The following NCKAP5 variants were observed in gnomAD, a reference collection of about 807,000 sequenced individuals.
The protein encoded by NCKAP5 is nck-associated protein 5.
A neutral mutation model predicts 167.0 loss-of-function variants in NCKAP5; 92 were observed. The ratio of observed to expected loss-of-function variants is 0.55; its 90% confidence interval spans 0.47 to 0.66. NCKAP5 has a LOEUF of 0.66. Ranked by LOEUF, NCKAP5 falls within the 30% of genes least tolerant of loss-of-function variation. The probability of loss-of-function intolerance (pLI) is 0.00; values close to 1 mark genes in which losing one functional copy is unlikely to be tolerated. For missense variants in NCKAP5, 2,378 were observed against 2,315.0 expected, an observed-to-expected ratio of 1.03 and a Z score of -0.56; for synonymous variants, 891 against 877.4, an observed-to-expected ratio of 1.02 and a Z score of -0.27.
At chr2:132,794,107 A>C (rs1470952148) in intron 12 of NCKAP5, among the ~76,000 whole-genome samples, 1 of 151,108 alleles carries the variant, frequency 6.6e-6, no homozygotes, top group Non-Finnish European at 1.5e-5. Flanking sequence ...TTGTAAATGG[A>C]GATCATGAAA....
chr2:132,868,807 A>G (rs1311430268), intron 10 of NCKAP5, 129 bp downstream of exon 10: 2 of 579,850 alleles, frequency 3.4e-6, no homozygotes, highest in Non-Finnish European at 2.8e-6. Context: ...TAAAACACAA[A>G]CGATTTTCAC....
intron 3 of NCKAP5, among the ~76,000 whole-genome samples, chr2:133,499,995 C>T (rs1480510354): frequency 1.3e-5 from 2 of 151,964 alleles, no homozygotes; most frequent in Non-Finnish European, 2.9e-5. Flanking sequence ...GTAAACACTT[C>T]CAAGTCTGGG....
At chr2:133,177,827 C>A (rs896854900) in intron 5 of NCKAP5, among the ~76,000 whole-genome samples, 6 of 152,178 alleles carry the variant, frequency 3.9e-5, no homozygotes, top group African/African-American at 1.4e-4. Flanking sequence ...GGACTTCCAC[C>A]TCTACCCAGC....
intron 8 of NCKAP5, among the ~76,000 whole-genome samples, chr2:132,961,575 C>A (rs1187891425): frequency 6.6e-6 from 1 of 152,104 alleles, no homozygotes; most frequent in African/African-American, 2.4e-5. Flanking sequence ...TTACAGATAT[C>A]ATCTATTGCA....
chr2:133,387,476 A>C (rs1326415167), intron 3 of NCKAP5, among the ~76,000 whole-genome samples: 1 of 152,176 alleles, frequency 6.6e-6, no homozygotes, highest in Non-Finnish European at 1.5e-5. Flanking sequence ...GCTGCCCTTA[A>C]CATTTTTTCC....
At chr2:133,405,025 G>C (rs1219635163) in intron 3 of NCKAP5, among the ~76,000 whole-genome samples, 1 of 152,106 alleles carries the variant, frequency 6.6e-6, no homozygotes, top group Non-Finnish European at 1.5e-5. Context: ...AGCCAATAAG[G>C]CCAAATACAA....
At chr2:133,169,910 G>C (rs888510140) in intron 5 of NCKAP5, among the ~76,000 whole-genome samples, 2 of 152,098 alleles carry the variant, frequency 1.3e-5, no homozygotes, top group East Asian at 3.9e-4. Context: ...TGCCACTTAG[G>C]AATGTCCGTA....
At chr2:133,475,552 C>T (rs1465279344) in intron 3 of NCKAP5, among the ~76,000 whole-genome samples, 1 of 152,070 alleles carries the variant, frequency 6.6e-6, no homozygotes, top group East Asian at 1.9e-4. Context: ...GAAGAAAGAT[C>T]GAATAAACAA....
Position 132,781,976 on chromosome 2 carries a change from G to C in NCKAP5, c.4835C>G (p.Ser1612Ter). ...TTCCGTCATGAAGGTGTCTTTCGTT[G>C]AACATGCAACAGGGCTGTGTCTATT... ...PRNRHSPVAC[S>*]TKDTFMTELL... is the part of the protein sequence containing the mutation. The change falls in exon 14 of 20, where the codon TCA becomes TGA. Residue 1612 changes from serine to a stop codon, truncating the protein, a stop_gained. Coordinates refer to ENST00000409261, the MANE Select transcript of NCKAP5 (RefSeq NM_207363.3). LOFTEE classifies it high-confidence loss of function. 6.2e-7 allele frequency: 1 copy of C among 1,613,404 alleles called. No homozygotes were observed. Among genetic ancestry groups the C allele is most frequent in the Non-Finnish European group, 8.5e-7 (1 of 1,179,596 alleles).
intron 6 of NCKAP5, among the ~76,000 whole-genome samples, chr2:133,017,613 A>G (rs11894047): frequency 0.095 from 14,362 of 150,870 alleles, 748 homozygotes; most frequent in Middle Eastern, 0.15. Flanking sequence ...TAGATTCTGA[A>G]AAAAAAAAAT....
intron 3 of NCKAP5, among the ~76,000 whole-genome samples, chr2:133,432,333 GC>G: frequency 6.6e-6 from 1 of 152,210 alleles, no homozygotes; most frequent in Non-Finnish European, 1.5e-5. Flanking sequence ...AAGCAGAAAT[GC>G]TGATACCCTA....
At chr2:133,432,492 C>G (rs1690224715) in intron 3 of NCKAP5, among the ~76,000 whole-genome samples, 1 of 152,118 alleles carries the variant, frequency 6.6e-6, no homozygotes, top group African/African-American at 2.4e-5. Context: ...TGCTATTAAG[C>G]CAGAGATAAA....
intron 6 of NCKAP5, among the ~76,000 whole-genome samples, chr2:133,029,956 C>G (rs1207583798): frequency 6.6e-6 from 1 of 152,108 alleles, no homozygotes; most frequent in East Asian, 1.9e-4. Flanking sequence ...ATCCCTCAGG[C>G]CCTGGTAAGA....
intron 5 of NCKAP5, among the ~76,000 whole-genome samples, chr2:133,189,463 C>T (rs2085108137): frequency 6.6e-6 from 1 of 152,110 alleles, no homozygotes; most frequent in African/African-American, 2.4e-5. Flanking sequence ...ACACCAAAGC[C>T]TGGCAGAGAC....
chr2:132,771,075 G>A (rs1202146972), intron 16 of NCKAP5, among the ~76,000 whole-genome samples: 3 of 141,094 alleles, frequency 2.1e-5, no homozygotes, highest in Non-Finnish European at 4.6e-5. Context: ...ATTTTAGACT[G>A]TACCCCTTCC....
chr2:132,964,353 C>T (rs1382148110), intron 7 of NCKAP5, among the ~76,000 whole-genome samples: 1 of 152,180 alleles, frequency 6.6e-6, no homozygotes, highest in Non-Finnish European at 1.5e-5. Flanking sequence ...TCAAAGCTCA[C>T]ACCTATTAGT....
chr2:133,116,050 T>C (rs2082072154), intron 6 of NCKAP5, among the ~76,000 whole-genome samples: 1 of 151,786 alleles, frequency 6.6e-6, no homozygotes, highest in Non-Finnish European at 1.5e-5. Flanking sequence ...TGAAGATCAA[T>C]TTCTCCAATT....
chr2:132,801,598 T>C (rs1037391460), intron 11 of NCKAP5, among the ~76,000 whole-genome samples: 3 of 152,164 alleles, frequency 2.0e-5, no homozygotes, highest in African/African-American at 7.2e-5. Flanking sequence ...AGAGCTAAGA[T>C]GTATCACAAT....
chr2:133,538,357 G>A (rs1685917240), intron 2 of NCKAP5, among the ~76,000 whole-genome samples: 1 of 152,122 alleles, frequency 6.6e-6, no homozygotes, highest in Non-Finnish European at 1.5e-5. Context: ...AGAATCAGGG[G>A]AAATTAAAAT....
Sources: gnomAD v4.1 joint callset for allele counts (sites outside exome capture counted in the v4.1 genomes callset) on GRCh38, gnomAD v4.1.1 for gene constraint, MANE v1.5 for transcripts, NCBI Gene and HGNC (gene_info 2026-07-23, HGNC 2026-07-21) for gene names.